PLXNA4: variants seen among roughly 807,000 people sequenced by gnomAD.
PLXNA4 encodes plexin-A4.
A neutral mutation model predicts 191.8 loss-of-function variants in PLXNA4; 44 were observed. The observed-to-expected ratio is 0.23, with a 90% CI of 0.18 to 0.29. The LOEUF is 0.29. PLXNA4 is among the 10% of genes least tolerant of loss of function. PLXNA4 has a pLI of 1.00. For missense variants in PLXNA4, 1,800 were observed against 2,488.8 expected, an observed-to-expected ratio of 0.72 and a Z score of 5.89; for synonymous variants, 1,082 against 1,009.5, an observed-to-expected ratio of 1.07 and a Z score of -1.36.
chr7:132,164,113 C>T (rs1188485967), intron 24 of PLXNA4, 29 bp downstream of exon 24: 7 of 1,612,510 alleles, frequency 4.3e-6, no homozygotes, highest in Admixed American at 1.7e-5. Flanking sequence ...CCTGTCAAAG[C>T]CCCAGGGGAA....
At chr7:132,290,634 A>G (rs555549868) in intron 4 of PLXNA4, among the ~76,000 whole-genome samples, 1 of 152,352 alleles carries the variant, frequency 6.6e-6, no homozygotes, top group African/African-American at 2.4e-5. Context: ...AGACACACAG[A>G]CAGGGATAGA....
chr7:132,176,230 T>C (rs1796450592), intron 20 of PLXNA4, among the ~76,000 whole-genome samples: 1 of 152,230 alleles, frequency 6.6e-6, no homozygotes, highest in Non-Finnish European at 1.5e-5. Context: ...CCTCTCCTGC[T>C]GCTCCTCTCT....
chr7:132,130,457 G>T lies in PLXNA4; in HGVS notation c.*22C>A. 1 of 1,614,090 alleles carries T rather than the reference G, an allele frequency of 6.2e-7. No individual in the cohort carries two copies. Among genetic ancestry groups the T allele is most frequent in the Admixed American group, 1.7e-5 (1 of 60,036 alleles). On this transcript the variant is annotated 3_prime_UTR_variant, in exon 32 of 32. Transcript: ENST00000321063. ...CACGGCTTGGTGTGTCCCCCTCCAG[G>T]GCGGCCCTGGAAGGACGGTTCTCAG...
intron 2 of PLXNA4, among the ~76,000 whole-genome samples, chr7:132,497,306 G>T (rs1041593168): frequency 6.6e-6 from 1 of 152,198 alleles, no homozygotes; most frequent in Non-Finnish European, 1.5e-5. Context: ...GCAGTACAGG[G>T]AGATAATGAT....
At chr7:132,462,214 G>A (rs935193185) in intron 3 of PLXNA4, among the ~76,000 whole-genome samples, 47 of 152,134 alleles carry the variant, frequency 3.1e-4, no homozygotes, top group Admixed American at 3.1e-3. Flanking sequence ...GGGTTTAAAT[G>A]TGCTTTCAAA....
chr7:132,583,792 CT>C (rs1247251037), intron 2 of PLXNA4, among the ~76,000 whole-genome samples: 1 of 152,194 alleles, frequency 6.6e-6, no homozygotes, highest in Non-Finnish European at 1.5e-5. Context: ...CGCACGCCTG[CT>C]GACTGTAACC....
intron 18 of PLXNA4, among the ~76,000 whole-genome samples, 155 bp downstream of exon 18, chr7:132,181,226 A>T (rs1415656605): frequency 1.3e-5 from 2 of 152,100 alleles, no homozygotes; most frequent in Non-Finnish European, 2.9e-5. Flanking sequence ...CCCAGTACAG[A>T]CTCAGAGAGA....
At chr7:132,216,248 TC>T (rs1226825509) in intron 9 of PLXNA4, among the ~76,000 whole-genome samples, 2 of 152,192 alleles carry the variant, frequency 1.3e-5, no homozygotes, top group African/African-American at 4.8e-5. Context: ...CGGTTTGTTT[TC>T]CTTTTAGTCC....
intron 3 of PLXNA4, among the ~76,000 whole-genome samples, chr7:132,449,182 C>G (rs1563105052): frequency 6.6e-6 from 1 of 152,178 alleles, no homozygotes; most frequent in Non-Finnish European, 1.5e-5. Context: ...TGAGCTCACA[C>G]CCCTGGCTCT....
At position 132,532,971 on chromosome 7, in the gene PLXNA4, T is replaced by C. The variant is rs115836851; in HGVS notation, c.-86-24192A>G. Among the ~76,000 whole-genome samples the C allele has an allele frequency of 6.6e-3, 1,005 of 152,316 alleles. 13 individuals carry two copies. Among genetic ancestry groups the C allele is most frequent in the African/African-American group, 0.023 (955 of 41,560 alleles). ...ATGACAGTAGGATCTTCCTTGTAGGTTGTGATGAGGAATAAGTAGAGCAAT... is the reference window on the plus strand; with the variant it reads ...ATGACAGTAGGATCTTCCTTGTAGGCTGTGATGAGGAATAAGTAGAGCAAT... On this transcript the variant is annotated intron_variant, in intron 1 of 31. Transcript: ENST00000321063.
chr7:132,416,743 C>T (rs1161475448), intron 3 of PLXNA4, among the ~76,000 whole-genome samples: 2 of 152,202 alleles, frequency 1.3e-5, no homozygotes, highest in African/African-American at 4.8e-5. Context: ...GTTTGGGAAG[C>T]AGCCCAGTAG....
At chr7:132,644,419 G>A (rs1385098342) in intron 2 of PLXNA4, among the ~76,000 whole-genome samples, 4 of 152,186 alleles carry the variant, frequency 2.6e-5, no homozygotes, top group South Asian at 4.1e-4. Context: ...AGACTTGGTC[G>A]TGGCCTGTGT....
intron 2 of PLXNA4, among the ~76,000 whole-genome samples, chr7:132,621,254 T>G (rs1303072131): frequency 3.2e-5 from 4 of 125,100 alleles, no homozygotes; most frequent in African/African-American, 1.2e-4. Context: ...TTGTTTTTTT[T>G]TTTTGGTTTT....
chr7:132,532,678 C>T (rs1239045578), intron 1 of PLXNA4, among the ~76,000 whole-genome samples: 2 of 152,202 alleles, frequency 1.3e-5, no homozygotes, highest in African/African-American at 4.8e-5. Context: ...TCTTCGATGG[C>T]TCCCTATTGC....
At chr7:132,644,592 T>C (rs1267577962) in intron 2 of PLXNA4, among the ~76,000 whole-genome samples, 1 of 152,158 alleles carries the variant, frequency 6.6e-6, no homozygotes, top group Non-Finnish European at 1.5e-5. Flanking sequence ...ATTACTTTAC[T>C]CTAATAGGAC....
At chr7:132,374,686 A>C (rs954305938) in intron 3 of PLXNA4, among the ~76,000 whole-genome samples, 66 of 152,214 alleles carry the variant, frequency 4.3e-4, no homozygotes, top group Non-Finnish European at 7.2e-4. Flanking sequence ...TAGCTCTACC[A>C]AACTCCTGTT....
At chr7:132,562,563 TC>T (rs1801256507) in intron 1 of PLXNA4, among the ~76,000 whole-genome samples, 2 of 118,122 alleles carry the variant, frequency 1.7e-5, no homozygotes, top group South Asian at 3.6e-4. Context: ...CTTCTCTTCC[TC>T]CTTTCTCCTC....
chr7:132,458,336 A>G (rs1211421540), intron 3 of PLXNA4, among the ~76,000 whole-genome samples: 1 of 151,964 alleles, frequency 6.6e-6, no homozygotes, highest in African/African-American at 2.4e-5. Flanking sequence ...ATGTGAATAT[A>G]TATGGTCACC....
chr7:132,444,546 A>T (rs549857491), intron 3 of PLXNA4, among the ~76,000 whole-genome samples: 2 of 152,214 alleles, frequency 1.3e-5, no homozygotes, highest in African/African-American at 2.4e-5. Flanking sequence ...TAACTACTTT[A>T]TTGACAAAGA....
Sources: allele counts gnomAD v4.1 joint callset (sites outside exome capture counted in the v4.1 genomes callset), GRCh38; gene constraint gnomAD v4.1.1; transcripts MANE v1.5; gene names NCBI Gene and HGNC (gene_info 2026-07-23, HGNC 2026-07-21).